FSIP1: variants seen among roughly 807,000 people sequenced by gnomAD.
FSIP1 encodes the protein fibrous sheath interacting protein 1, also known as fibrous sheath-interacting protein 1.
Under a neutral mutation model 60.9 loss-of-function variants are expected in FSIP1, and 65 were observed. That is an observed-to-expected ratio of 1.07 (90% CI 0.87 to 1.31). FSIP1 has a LOEUF of 1.31. FSIP1 is among the 40% of genes most tolerant of loss of function. The probability of loss-of-function intolerance (pLI) is 0.00; values close to 1 mark genes in which losing one functional copy is unlikely to be tolerated. For missense variants in FSIP1, 675 were observed against 665.5 expected (o/e 1.01, Z -0.16); for synonymous variants, 209 against 221.2 (o/e 0.94, Z 0.49).
rs551070093 is a variant in FSIP1, at chr15:39,726,464, G to A, written c.1050+125C>T. On this transcript the variant is annotated intron_variant, in intron 9 of 11. Transcript: ENST00000350221. ...GAGTAGAAAGTGGAAGTAACCAAAG[G>A]AATATACACACTGTTATGAAACTAT... The A allele has an allele frequency of 3.8e-3, 3,516 of 923,788 alleles. 23 individuals carry two copies. Among genetic ancestry groups the A allele is most frequent in the Non-Finnish European group, 5.3e-3 (3,088 of 587,500 alleles). The allele number at this position is 923,788 out of a possible 1,614,324, so 57.2% of individuals were successfully genotyped here. A position where few individuals can be genotyped will look rare whatever the true frequency, so the allele number is the denominator to read the frequency against.
chr15:39,636,505 C>A (rs1892145894), intron 10 of FSIP1, among the ~76,000 whole-genome samples: 3 of 152,166 alleles, frequency 2.0e-5, no homozygotes, highest in Non-Finnish European at 4.4e-5. Flanking sequence ...AATGCAACTC[C>A]TTCAGATGGC....
At chr15:39,648,984 T>C (rs756423557) in intron 10 of FSIP1, among the ~76,000 whole-genome samples, 1 of 151,692 alleles carries the variant, frequency 6.6e-6, no homozygotes, top group Non-Finnish European at 1.5e-5. Flanking sequence ...TTATGGAAAA[T>C]ATTTCACCCA....
At chr15:39,720,575 T>A (rs536867810) in intron 9 of FSIP1, among the ~76,000 whole-genome samples, 11 of 152,326 alleles carry the variant, frequency 7.2e-5, no homozygotes, top group Admixed American at 6.5e-4. Context: ...AAAATATACT[T>A]GTATATAACA....
intron 10 of FSIP1, among the ~76,000 whole-genome samples, chr15:39,655,406 G>GA (rs1893033042): frequency 6.6e-6 from 1 of 152,114 alleles, no homozygotes; most frequent in South Asian, 2.1e-4. Flanking sequence ...ATATTTTTCA[G>GA]AAAAACAAGC....
chr15:39,652,330 T>A (rs1254113957), intron 10 of FSIP1, among the ~76,000 whole-genome samples: 2 of 152,248 alleles, frequency 1.3e-5, no homozygotes, highest in African/African-American at 4.8e-5. Context: ...GTACATTTAT[T>A]AAGAGAGCAA....
chr15:39,771,346 A>T (rs1295569136), intron 2 of FSIP1, among the ~76,000 whole-genome samples: 1 of 152,142 alleles, frequency 6.6e-6, no homozygotes, highest in Non-Finnish European at 1.5e-5. Context: ...TCCCCTCCCA[A>T]CAGAGAGACT....
intron 10 of FSIP1, among the ~76,000 whole-genome samples, chr15:39,629,266 T>A (rs1420663564): frequency 6.6e-6 from 1 of 152,156 alleles, no homozygotes; most frequent in Non-Finnish European, 1.5e-5. Context: ...AGGTAAAGAT[T>A]GGCATGTGAT....
Position 39,721,424 on chromosome 15 carries a change from G to A in FSIP1, c.1050+5165C>T, listed in dbSNP as rs151152934. ...TGTGCTCCCGCAGCATACACTTTCC[G>A]TACTTTTCATCTGATCAGTGCCCAT... is the stretch of plus-strand genomic sequence containing the variant. On this transcript the variant is annotated intron_variant, in intron 9 of 11. Coordinates refer to ENST00000350221, the MANE Select transcript of FSIP1 (RefSeq NM_152597.5). 1.5e-3 allele frequency among the ~76,000 whole-genome samples: 226 copies of A among 152,244 alleles called. 5 individuals are homozygous for A. In the East Asian group the frequency reaches 0.034, roughly 23 times the overall value.
At chr15:39,749,128 T>A in intron 5 of FSIP1, among the ~76,000 whole-genome samples, 1 of 151,442 alleles carries the variant, frequency 6.6e-6, no homozygotes. Context: ...CCTGAACAGA[T>A]CTACAATAAA....
rs1891296835 is a variant in FSIP1 at position 39,617,927 on chromosome 15, T to G, written c.1507A>C (p.Asn503His). 1.9e-6 allele frequency: 3 copies of G among 1,614,084 alleles called. No individual in the cohort carries two copies. Among genetic ancestry groups the G allele is most frequent in the Non-Finnish European group, 2.5e-6 (3 of 1,180,034 alleles). The change falls in exon 11 of 12, where the codon AAT becomes CAT. Residue 503 changes from asparagine to histidine, a missense_variant. Coordinates refer to ENST00000350221, the MANE Select transcript of FSIP1 (RefSeq NM_152597.5). Reference protein sequence around the residue: ...MSEALVTEAENMKCLQFSKDV... With the variant: ...MSEALVTEAEHMKCLQFSKDV... ...TTGGAAAATTGAAGGCATTTCATAT[T>G]CTCTGCTTCAGTGACAAGAGCTTCT...
chr15:39,688,515 T>C (rs552220283), intron 10 of FSIP1, among the ~76,000 whole-genome samples: 1 of 152,204 alleles, frequency 6.6e-6, no homozygotes, highest in South Asian at 2.1e-4. Context: ...TTCTGCTGAA[T>C]GCATATGGCT....
chr15:39,764,145 T>C (rs918548890), intron 4 of FSIP1, among the ~76,000 whole-genome samples: 3 of 152,162 alleles, frequency 2.0e-5, no homozygotes, highest in Non-Finnish European at 4.4e-5. Flanking sequence ...ATTACTTTGC[T>C]TAAAGTATCA....
intron 10 of FSIP1, among the ~76,000 whole-genome samples, chr15:39,628,842 C>T (rs76806320): frequency 0.018 from 2,759 of 152,290 alleles, 80 homozygotes; most frequent in African/African-American, 0.063. Flanking sequence ...AGTAAAAATA[C>T]TAACAACTAG....
chr15:39,663,373 T>C (rs977561954), intron 10 of FSIP1, among the ~76,000 whole-genome samples: 3 of 146,098 alleles, frequency 2.1e-5, no homozygotes, highest in Non-Finnish European at 3.0e-5. Context: ...TAAATATAAA[T>C]AGTATATAAA....
chr15:39,695,929 A>G (rs1256030692), intron 10 of FSIP1, among the ~76,000 whole-genome samples: 1 of 152,246 alleles, frequency 6.6e-6, no homozygotes, highest in Non-Finnish European at 1.5e-5. Context: ...GAAGGTAAGA[A>G]GAGATTAGCA....
intron 10 of FSIP1, among the ~76,000 whole-genome samples, chr15:39,692,883 C>T (rs1179716225): frequency 2.6e-5 from 4 of 152,224 alleles, no homozygotes; most frequent in Non-Finnish European, 5.9e-5. Context: ...GTGGAGCCCT[C>T]TCCATGGCGT....
At chr15:39,741,689 T>G in intron 6 of FSIP1, 116 bp downstream of exon 6, 2 of 592,818 alleles carry the variant, frequency 3.4e-6, no homozygotes, top group Middle Eastern at 4.0e-4. Context: ...TGAACTCTAC[T>G]TGCTTCCACT....
intron 10 of FSIP1, among the ~76,000 whole-genome samples, chr15:39,706,667 C>T (rs1045686302): frequency 1.3e-5 from 2 of 152,132 alleles, no homozygotes; most frequent in African/African-American, 4.8e-5. Flanking sequence ...AAAAATCACC[C>T]ATAATCCCAA....
intron 10 of FSIP1, among the ~76,000 whole-genome samples, chr15:39,630,555 C>A (rs1891840484): frequency 6.6e-6 from 1 of 152,174 alleles, no homozygotes; most frequent in Admixed American, 6.5e-5. Context: ...GGGCTGATAG[C>A]CCTGGACCAT....
Sources: gnomAD v4.1 joint callset for allele counts (sites outside exome capture counted in the v4.1 genomes callset) on GRCh38, gnomAD v4.1.1 for gene constraint, MANE v1.5 for transcripts, NCBI Gene and HGNC (gene_info 2026-07-23, HGNC 2026-07-21) for gene names.